The following SLC39A13 variants were observed in gnomAD, a reference collection of about 807,000 sequenced individuals.
SLC39A13 encodes solute carrier family 39 member 13.
In SLC39A13, 18 loss-of-function variants were observed where a neutral mutation model predicts 38.7. That is an observed-to-expected ratio of 0.47 (90% CI 0.32 to 0.69). The LOEUF is 0.69. Among genes scored for constraint, SLC39A13 ranks in the 30% least tolerant of loss-of-function variants. The pLI is 0.03. For missense variants in SLC39A13, 395 were observed against 490.7 expected (o/e 0.80, Z 1.84); for synonymous variants, 212 against 219.1 (o/e 0.97, Z 0.29).
chr11:47,408,179 A>G (rs775526966), upstream of SLC39A13, among the ~76,000 whole-genome samples: 8 of 152,330 alleles, frequency 5.3e-5, no homozygotes, highest in South Asian at 2.1e-4. Context: ...TAGTCCTCCC[A>G]GCCCGACCTG....
rs2096021721 is a variant in SLC39A13, at chr11:47,415,335, T to C, written c.1088T>C (p.Met363Thr). Residue 363 changes from methionine to threonine, a missense_variant, in exon 10 of 10, where the codon ATG (methionine) becomes ACG (threonine). Met to Thr is a moderately conservative substitution (Grantham distance 81, BLOSUM62 -1). Coordinates refer to ENST00000362021, the MANE Select transcript of SLC39A13 (RefSeq NM_001128225.3). ...CTGCTCTGTGCGGGCATCGTGGTAA[T>C]GGTGCTGTTCTCGCTCTTCGTGGAT... ...LLLLCAGIVV[M>T]VLFSLFVD The C allele has an allele frequency of 1.9e-6, 3 of 1,614,088 alleles. No homozygotes were observed. The highest frequency in any genetic ancestry group is 2.5e-6 in the Non-Finnish European group (3 of 1,180,000).
rs1386439747 is a variant in SLC39A13 at position 47,413,481 on chromosome 11, C to G, written c.619C>G (p.Leu207Val). The G allele has an allele frequency of 6.2e-7, 1 of 1,614,092 alleles. No individual in the cohort carries two copies. Among genetic ancestry groups the G allele is most frequent in the Admixed American group, 1.7e-5 (1 of 60,008 alleles). Residue 207 changes from leucine (L) to valine (V), a missense_variant, in exon 5 of 10, where the codon CTC becomes GTC. By Grantham distance (32) the Leu-to-Val change is conservative. Coordinates refer to ENST00000362021, the MANE Select transcript of SLC39A13 (RefSeq NM_001128225.3). The part of the protein sequence containing the change: ...CLAQPAAEPG[L>V]GAVVRSIKVS... ...GGCCCAGCCGGCTGCAGAGCCCGGCCTCGGTGCCGTGGTCCGGAGCATCAA... is the reference window on the plus strand; with the variant it reads ...GGCCCAGCCGGCTGCAGAGCCCGGCGTCGGTGCCGTGGTCCGGAGCATCAA...
intron 2 of SLC39A13, among the ~76,000 whole-genome samples, chr11:47,410,999 A>G (rs534928865): frequency 8.5e-5 from 13 of 152,290 alleles, no homozygotes; most frequent in Non-Finnish European, 1.8e-4. Flanking sequence ...GGGTCAGTGC[A>G]GGGAGCACCT....
chr11:47,414,472 T>C lies in SLC39A13; in HGVS notation c.783T>C (p.His261=). 6.2e-7 allele frequency: 1 copy of C among 1,612,204 alleles called. No homozygotes were observed. The highest frequency in any genetic ancestry group is 8.5e-7 in the Non-Finnish European group (1 of 1,179,344). ...TMAILLHEIP[H]EVGDFAILLR... ...CCATCCTCCTGCATGAGATCCCCCA[T>C]GAGGTGAGCGCTTGTAGGGCAGCCC... Residue 261 remains histidine, a synonymous_variant, in exon 7 of 10, where the codon CAT becomes CAC. Coordinates refer to ENST00000362021, the MANE Select transcript of SLC39A13 (RefSeq NM_001128225.3).
At chr11:47,414,199 C>A in intron 6 of SLC39A13, 1 of 621,228 alleles carries the variant, frequency 1.6e-6, no homozygotes, top group East Asian at 2.7e-5. Context: ...TCCTTTCCTT[C>A]CCAGCGCCTG....
At chr11:47,413,715 G>A (rs1173459785) in intron 6 of SLC39A13, 29 bp downstream of exon 6, 1 of 1,608,514 alleles carries the variant, frequency 6.2e-7, no homozygotes, top group East Asian at 2.2e-5. Context: ...GTGGGGCTCT[G>A]GCGATTCCAG....
At chr11:47,413,318 T>C (rs1389373782) in intron 4 of SLC39A13, 82 bp from the exon 5 acceptor site, 4 of 1,413,682 alleles carry the variant, frequency 2.8e-6, no homozygotes. Context: ...CGTCTCTCTT[T>C]CTCCATCTCT....
At chr11:47,410,440 A>C (rs2095993037) in intron 2 of SLC39A13, 45 bp downstream of exon 2, 1 of 1,608,260 alleles carries the variant, frequency 6.2e-7, no homozygotes, top group South Asian at 1.1e-5. Flanking sequence ...AGGGTGTGGG[A>C]AGCATGCTGC....
At chr11:47,413,797 T>G in intron 6 of SLC39A13, 111 bp downstream of exon 6, 1 of 1,176,780 alleles carries the variant, frequency 8.5e-7, no homozygotes, top group Non-Finnish European at 1.2e-6. Context: ...CGCCCTCATC[T>G]AAGGCTCTCA....
chr11:47,410,499 G>C (rs144182207), intron 2 of SLC39A13, 104 bp downstream of exon 2: 17 of 1,435,786 alleles, frequency 1.2e-5, no homozygotes, highest in East Asian at 2.3e-5. Context: ...GATGGAGGGA[G>C]AGGATAGAAT....
Position 47,415,941 on chromosome 11 carries a change from G to A in SLC39A13, c.*578G>A, listed in dbSNP as rs899542474. 5.8e-6 allele frequency: 1 copy of A among 172,902 alleles called. No individual in the cohort carries two copies. Among genetic ancestry groups the A allele is most frequent in the African/African-American group, 2.4e-5 (1 of 41,972 alleles). The allele number at this position is 172,902 out of a possible 1,614,324, so 10.7% of individuals were successfully genotyped here. On this transcript the variant is annotated 3_prime_UTR_variant, in exon 10 of 10. Transcript: ENST00000362021. The stretch of plus-strand genomic sequence containing the variant: ...CAGCACTGACAGTCCCCAGCTCCTA[G>A]TAGTGAGCTGGGAGGCGCTTCCTAA...
At chr11:47,408,543 G>A (rs1323848800), upstream of SLC39A13, 1 of 146,726 alleles carries the variant, frequency 6.8e-6, no homozygotes, top group Non-Finnish European at 1.5e-5. Context: ...CGCGCGCCGG[G>A]GGCGGCCCCG....
chr11:47,413,660 G>T lies in SLC39A13; in HGVS notation c.709G>T (p.Ala237Ser). The T allele has an allele frequency of 1.9e-6, 3 of 1,614,210 alleles. No individual in the cohort carries two copies. Among genetic ancestry groups the T allele is most frequent in the Non-Finnish European group, 2.5e-6 (3 of 1,180,042 alleles). ...IDNFTHGLAV[A>S]ASFLVSKKIG... ...TAACTTCACCCACGGGCTGGCTGTGGCTGCCAGCTTCCTTGTGAGCAAGAA... is the reference window on the plus strand; with the variant it reads ...TAACTTCACCCACGGGCTGGCTGTGTCTGCCAGCTTCCTTGTGAGCAAGAA... The change falls in exon 6 of 10, where the codon GCT becomes TCT. Residue 237 changes from alanine (A) to serine (S), a missense_variant. Physicochemically the swap from Ala to Ser is moderately conservative, Grantham distance 99. Transcript: ENST00000362021.
rs1484874346 is a variant in SLC39A13 at position 47,414,813 on chromosome 11, G to C, written c.823G>C (p.Asp275His). 29 of 1,611,498 alleles carry C rather than the reference G, an allele frequency of 1.8e-5. No homozygotes were observed. Among genetic ancestry groups the C allele is most frequent in the Non-Finnish European group, 2.4e-5 (28 of 1,180,024 alleles). Residue 275 changes from aspartate to histidine, a missense_variant, in exon 8 of 10, where the codon GAC (aspartate) becomes CAC (histidine). Coordinates refer to ENST00000362021, the MANE Select transcript of SLC39A13 (RefSeq NM_001128225.3). The part of the protein sequence containing the change: ...DFAILLRAGF[D>H]RWSAAKLQLS... ...TGCCATCCTGCTCCGGGCCGGCTTT[G>C]ACCGATGGAGCGCAGCCAAGCTGCA...
chr11:47,411,965 T>TG lies in SLC39A13; in HGVS notation c.347dup (p.Leu117ThrfsTer25), dbSNP rs1193889453. The TG allele has an allele frequency of 1.2e-6, 2 of 1,613,906 alleles. No individual in the cohort carries two copies. The highest frequency in any genetic ancestry group is 1.7e-6 in the Non-Finnish European group (2 of 1,179,968). On this transcript the variant is annotated frameshift_variant, in exon 3 of 10. Coordinates refer to ENST00000362021, the MANE Select transcript of SLC39A13 (RefSeq NM_001128225.3). LOFTEE classifies it high-confidence loss of function. Reference sequence around the variant, plus strand: ...CTGAAGCAGCTGCTCAGCTTCGCCCTGGGGGGACTCTTGGGCAATGTGTTT... The same window carrying TG: ...CTGAAGCAGCTGCTCAGCTTCGCCCTGGGGGGGACTCTTGGGCAATGTGTTT...
intron 8 of SLC39A13, 24 bp downstream of exon 8, chr11:47,414,933 G>C (rs1489196066): frequency 6.2e-7 from 1 of 1,604,660 alleles, no homozygotes; most frequent in Admixed American, 1.7e-5. Flanking sequence ...GGGTGGTTGT[G>C]GCGGGTGGCA....
Position 47,415,158 on chromosome 11 carries a change from TG to T in SLC39A13, c.1040+1del. The part of the protein sequence containing the change: ...LPDLLEEEDP[W>X]RSLQQLLLLC... Reference sequence around the variant, plus strand: ...TGACCTCTTGGAAGAAGAGGACCCGTGGTGAGTGACCTGTTGGAGGAAGAGG... The same window carrying T: ...TGACCTCTTGGAAGAAGAGGACCCGTGTGAGTGACCTGTTGGAGGAAGAGG... On this transcript the variant is annotated frameshift_variant and splice_region_variant, in exon 9 of 10. Transcript: ENST00000362021. LOFTEE classifies it high-confidence loss of function. The T allele has an allele frequency of 6.2e-7, 1 of 1,611,800 alleles. No homozygotes were observed. The highest frequency in any genetic ancestry group is 8.5e-7 in the Non-Finnish European group (1 of 1,178,982).
chr11:47,414,987 T>C, intron 8 of SLC39A13, 52 bp from the exon 9 acceptor site: 2 of 1,610,500 alleles, frequency 1.2e-6, no homozygotes, highest in Non-Finnish European at 1.7e-6. Flanking sequence ...ACCGCACTGC[T>C]GGTCCCCAGG....
At chr11:47,412,197 TG>T in intron 3 of SLC39A13, 148 bp from the exon 4 acceptor site, 1 of 1,300,116 alleles carries the variant, frequency 7.7e-7, no homozygotes, top group Non-Finnish European at 1.1e-6. Context: ...CTCTGGGCCC[TG>T]GTCCCAGTGG....
Sources: allele counts gnomAD v4.1 joint callset (sites outside exome capture counted in the v4.1 genomes callset), GRCh38; gene constraint gnomAD v4.1.1; transcripts MANE v1.5; gene names NCBI Gene and HGNC (gene_info 2026-07-23, HGNC 2026-07-21).